PPP2CB: variants seen among roughly 807,000 people sequenced by gnomAD.
PPP2CB encodes the protein protein phosphatase 2 catalytic subunit beta, also known as serine/threonine-protein phosphatase 2A catalytic subunit beta isoform.
In PPP2CB, 18 loss-of-function variants were observed where a neutral mutation model predicts 39.1. The observed-to-expected ratio is 0.46, with a 90% CI of 0.32 to 0.68. The LOEUF (loss-of-function observed/expected upper bound fraction) is 0.68. Ranked by LOEUF, PPP2CB falls within the 30% of genes least tolerant of loss-of-function variation. The pLI, the probability that PPP2CB is intolerant of heterozygous loss-of-function variation, is 0.04. For missense variants in PPP2CB, 226 were observed against 396.9 expected (o/e 0.57, Z 3.66); for synonymous variants, 129 against 133.8 (o/e 0.96, Z 0.25).
At chr8:30,812,005 A>T (rs1254443180) in intron 1 of PPP2CB, among the ~76,000 whole-genome samples, 1 of 150,378 alleles carries the variant, frequency 6.6e-6, no homozygotes, top group Non-Finnish European at 1.5e-5. Context: ...AGCGCAGGCG[A>T]CCCCGACCAA....
chr8:30,810,505 C>A (rs958583142), intron 1 of PPP2CB, among the ~76,000 whole-genome samples: 2 of 152,184 alleles, frequency 1.3e-5, no homozygotes, highest in African/African-American at 2.4e-5. Context: ...ATTCAACTAA[C>A]ACTTTACCCA....
At chr8:30,793,019 T>A (rs1352964806) in intron 5 of PPP2CB, 1 of 152,192 alleles carries the variant, frequency 6.6e-6, no homozygotes, top group Non-Finnish European at 1.5e-5. Context: ...AGTAGTTGTA[T>A]AACAGTTAAT....
At chr8:30,803,259 G>A (rs1380279052) in intron 1 of PPP2CB, among the ~76,000 whole-genome samples, 1 of 151,894 alleles carries the variant, frequency 6.6e-6, no homozygotes, top group Non-Finnish European at 1.5e-5. Context: ...AAGCACAAAG[G>A]AGGCCGGGGG....
At chr8:30,794,153 TTTC>T (rs758058524) in intron 4 of PPP2CB, 36 bp downstream of exon 4, 29 of 1,607,818 alleles carry the variant, frequency 1.8e-5, no homozygotes, top group Non-Finnish European at 2.3e-5. Flanking sequence ...GTGGTTATAT[TTTC>T]TTTTCCTTTC....
At chr8:30,787,895 A>C (rs1806369965) in intron 6 of PPP2CB, among the ~76,000 whole-genome samples, 1 of 152,184 alleles carries the variant, frequency 6.6e-6, no homozygotes, top group African/African-American at 2.4e-5. Context: ...AAGGTCATTC[A>C]GATTTCATAT....
chr8:30,789,735 G>C (rs1045096734), intron 6 of PPP2CB, among the ~76,000 whole-genome samples: 1 of 152,118 alleles, frequency 6.6e-6, no homozygotes, highest in Non-Finnish European at 1.5e-5. Context: ...TCACATACTA[G>C]TGATGGTTAC....
At chr8:30,803,265 G>A (rs1030700464) in intron 1 of PPP2CB, among the ~76,000 whole-genome samples, 1 of 151,978 alleles carries the variant, frequency 6.6e-6, no homozygotes. Context: ...AAAGGAGGCC[G>A]GGGGCAGTGG....
chr8:30,799,650 T>C lies in PPP2CB; in HGVS notation c.208A>G (p.Arg70Gly). 6.2e-7 allele frequency: 1 copy of C among 1,614,050 alleles called. No homozygotes were observed. Among genetic ancestry groups the C allele is most frequent in the Non-Finnish European group, 8.5e-7 (1 of 1,179,916 alleles). ...GTATCCGGTGATTTTCCACCAATTC[T>C]AAAGAGTTCCATAAGATCATGAAAT... ...GQFHDLMELF[R>G]IGGKSPDTNY... The change falls in exon 2 of 7, where the codon AGA (arginine) becomes GGA (glycine). Residue 70 changes from arginine to glycine, a missense_variant. Physicochemically the swap from Arg to Gly is moderately radical, Grantham distance 125. Around this residue, in one of 4 missense-constraint regions of PPP2CB, gnomAD observed 110 missense variants for 244.1 expected, o/e 0.45. Transcript: ENST00000221138.
At chr8:30,803,819 A>AT (rs530807091) in intron 1 of PPP2CB, among the ~76,000 whole-genome samples, 3,603 of 145,136 alleles carry the variant, frequency 0.025, 114 homozygotes, top group African/African-American at 0.073. Context: ...ACAAAATACA[A>AT]TTTTTTTTTT....
In PPP2CB at chr8:30,812,392, C is replaced by T. The variant is rs1272687581; in HGVS notation, c.30G>A (p.Leu10=). The T allele has an allele frequency of 2.3e-5, 35 of 1,547,906 alleles. No individual in the cohort carries two copies. Among genetic ancestry groups the T allele is most frequent in the Non-Finnish European group, 3.1e-5 (35 of 1,143,168 alleles). Residue 10 remains leucine, a synonymous_variant, in exon 1 of 7, where the codon CTG becomes CTA. Coordinates refer to ENST00000221138, the MANE Select transcript of PPP2CB (RefSeq NM_001009552.2). MDDKAFTKE[L]DQWVEQLNEC... The stretch of plus-strand genomic sequence containing the variant: ...CGTTCAGCTGCTCGACCCACTGGTC[C>T]AGCTCCTTGGTGAACGCCTTGTCGT...
intron 6 of PPP2CB, among the ~76,000 whole-genome samples, chr8:30,788,315 G>C (rs1806376832): frequency 6.6e-6 from 1 of 151,714 alleles, no homozygotes; most frequent in Non-Finnish European, 1.5e-5. Context: ...CTAGGCTGTA[G>C]TGTAGTGCTG....
chr8:30,795,119 ATTTTTTTTTT>A (rs893547625), intron 3 of PPP2CB, among the ~76,000 whole-genome samples: 1 of 127,498 alleles, frequency 7.8e-6, no homozygotes, highest in Admixed American at 7.9e-5. Flanking sequence ...TCTGATTTTG[ATTTTTTTTTT>A]TTTTTTTTTT....
chr8:30,811,427 C>T (rs1376710580), intron 1 of PPP2CB, among the ~76,000 whole-genome samples: 1 of 152,086 alleles, frequency 6.6e-6, no homozygotes, highest in African/African-American at 2.4e-5. Flanking sequence ...CCAAAGTCAA[C>T]CTCTATTTTA....
intron 2 of PPP2CB, 79 bp downstream of exon 2, chr8:30,799,467 A>T: frequency 8.5e-7 from 1 of 1,178,542 alleles, no homozygotes; most frequent in Non-Finnish European, 1.2e-6. Context: ...ACCATAAAAC[A>T]GATGATATGC....
intron 1 of PPP2CB, among the ~76,000 whole-genome samples, chr8:30,800,413 GA>G (rs1362669614): frequency 1.3e-5 from 2 of 152,142 alleles, no homozygotes; most frequent in Admixed American, 6.5e-5. Context: ...GTCAATGAAA[GA>G]AAAAAGTCAC....
At chr8:30,797,165 A>G (rs1207142466) in intron 3 of PPP2CB, among the ~76,000 whole-genome samples, 1 of 152,176 alleles carries the variant, frequency 6.6e-6, no homozygotes, top group Non-Finnish European at 1.5e-5. Context: ...GGTGTAATAC[A>G]CAATATAACA....
intron 1 of PPP2CB, among the ~76,000 whole-genome samples, chr8:30,801,175 C>T (rs1024041095): frequency 1.1e-4 from 17 of 151,702 alleles, no homozygotes; most frequent in Admixed American, 5.9e-4. Context: ...GGTCGCACCA[C>T]TTTGCAGTTA....
chr8:30,794,744 A>G (rs1438685384), intron 3 of PPP2CB, among the ~76,000 whole-genome samples: 3 of 152,158 alleles, frequency 2.0e-5, no homozygotes, highest in Non-Finnish European at 4.4e-5. Context: ...CTAGGATTAC[A>G]GGTGCATGCC....
At chr8:30,803,359 A>G (rs1439539019) in intron 1 of PPP2CB, among the ~76,000 whole-genome samples, 1 of 152,056 alleles carries the variant, frequency 6.6e-6, no homozygotes, top group Non-Finnish European at 1.5e-5. Context: ...CTTGGACAAC[A>G]TGAGGAGACC....
Sources: allele counts gnomAD v4.1 joint callset (sites outside exome capture counted in the v4.1 genomes callset), GRCh38; gene constraint gnomAD v4.1.1; regional missense constraint gnomAD v4.1.1; transcripts MANE v1.5; gene names NCBI Gene and HGNC (gene_info 2026-07-23, HGNC 2026-07-21).